Variants in RFX6 observed in about 807,000 individuals in gnomAD.
The protein encoded by RFX6 is regulatory factor X6.
RFX6 carries 50 observed loss-of-function variants against 110.8 expected under a neutral mutation model. The observed-to-expected ratio is 0.45, with a 90% CI of 0.36 to 0.57. The LOEUF (loss-of-function observed/expected upper bound fraction) is 0.57, where lower values mean the gene tolerates loss of function less well. Among genes scored for constraint, RFX6 ranks in the 20% least tolerant of loss-of-function variants. RFX6 has a pLI of 0.00. For synonymous variants in RFX6, 383 were observed against 411.2 expected (o/e 0.93, Z 0.83); for missense variants, 990 against 1,127.0 (o/e 0.88, Z 1.74).
At chr6:116,896,148 A>G (rs779796016) in intron 6 of RFX6, among the ~76,000 whole-genome samples, 1 of 152,172 alleles carries the variant, frequency 6.6e-6, no homozygotes, top group Non-Finnish European at 1.5e-5. Flanking sequence ...TCAATAGGGA[A>G]TTTACGTTAT....
intron 6 of RFX6, among the ~76,000 whole-genome samples, chr6:116,899,813 G>GA (rs1775027365): frequency 6.6e-6 from 1 of 151,986 alleles, no homozygotes; most frequent in Non-Finnish European, 1.5e-5. Flanking sequence ...ATAGGAAAAA[G>GA]AAAAACACAC....
chr6:116,891,073 G>C (rs1774820392), intron 4 of RFX6, among the ~76,000 whole-genome samples: 1 of 152,160 alleles, frequency 6.6e-6, no homozygotes, highest in African/African-American at 2.4e-5. Flanking sequence ...AAAACTGCAA[G>C]TAAAATGTAC....
At chr6:116,925,691 A>G (rs371433524) in intron 16 of RFX6, 32 bp downstream of exon 16, 81 of 1,481,490 alleles carry the variant, frequency 5.5e-5, no homozygotes, top group Non-Finnish European at 7.2e-5. Flanking sequence ...AGGCTCCAGC[A>G]CATCTCAGAG....
rs888442352 is a variant in RFX6, at chr6:116,931,745, A to C, written c.*239A>C. ...ATTAATCATAGTTTCAAAATTATCA[A>C]ATAAAACCAGTGAAGATCTGAAGAT... is the stretch of plus-strand genomic sequence containing the variant. On this transcript the variant is annotated 3_prime_UTR_variant, in exon 19 of 19. Transcript: ENST00000332958. 1 of 422,288 alleles carries C rather than the reference A, an allele frequency of 2.4e-6. No homozygotes were observed. Among genetic ancestry groups the C allele is most frequent in the Admixed American group, 4.0e-5 (1 of 24,980 alleles). The allele number at this position is 422,288 out of a possible 1,614,324, so 26.2% of individuals were successfully genotyped here. A position where few individuals can be genotyped will look rare whatever the true frequency, so the allele number is the denominator to read the frequency against.
chr6:116,903,875 A>G (rs2114681425), intron 6 of RFX6, among the ~76,000 whole-genome samples: 1 of 152,054 alleles, frequency 6.6e-6, no homozygotes, highest in South Asian at 2.1e-4. Context: ...TTTTGCCTGA[A>G]AAACAATATT....
chr6:116,882,469 A>G (rs767196302), intron 4 of RFX6, 41 bp downstream of exon 4: 26 of 1,374,688 alleles, frequency 1.9e-5, no homozygotes, highest in African/African-American at 8.6e-5. Flanking sequence ...GCTCTTGTGC[A>G]TGAAGATTGA....
At chr6:116,927,653 A>G in intron 17 of RFX6, 114 bp downstream of exon 17, 2 of 846,792 alleles carry the variant, frequency 2.4e-6, no homozygotes, top group Non-Finnish European at 3.8e-6. Context: ...GCTTCCAAAG[A>G]TCATGGAATC....
intron 4 of RFX6, among the ~76,000 whole-genome samples, chr6:116,885,775 C>T (rs566965480): frequency 2.0e-5 from 3 of 152,072 alleles, no homozygotes; most frequent in Admixed American, 2.0e-4. Context: ...TTAGATTCTT[C>T]TTCAGAGAAC....
chr6:116,916,003 A>G lies in RFX6; in HGVS notation c.781-5A>G, dbSNP rs1775455813. 1 of 1,600,114 alleles carries G rather than the reference A, an allele frequency of 6.2e-7. No homozygotes were observed. The highest frequency in any genetic ancestry group is 1.1e-5 in the South Asian group (1 of 90,724). On this transcript the variant is annotated splice_region_variant and splice_polypyrimidine_tract_variant and intron_variant, in intron 7 of 18. Transcript: ENST00000332958. ...TTTGGTTAAGCTTTTTCTTCCTTGA[A>G]ATAGGTTGATACGCTCATAATGATG...
rs80055192 is a variant in RFX6 at position 116,915,760 on chromosome 6, G to C, written c.781-248G>C. Among the ~76,000 whole-genome samples the C allele has an allele frequency of 3.9e-4, 59 of 151,860 alleles. No homozygotes were observed. In the East Asian group the frequency reaches 0.011, roughly 28 times the overall value. ...AGGCATAAAACTAGGATGTTACTTT[G>C]GTCCATAGTACTCTGAAAAATTACC... On this transcript the variant is annotated intron_variant, in intron 7 of 18. Transcript: ENST00000332958.
At chr6:116,930,911 C>T (rs1775869850) in intron 18 of RFX6, among the ~76,000 whole-genome samples, 1 of 152,012 alleles carries the variant, frequency 6.6e-6, no homozygotes, top group Non-Finnish European at 1.5e-5. Flanking sequence ...ATCTACTCTT[C>T]AGCAATATCA....
chr6:116,885,676 T>G (rs1774685505), intron 4 of RFX6, among the ~76,000 whole-genome samples: 1 of 152,126 alleles, frequency 6.6e-6, no homozygotes, highest in African/African-American at 2.4e-5. Context: ...CAACAAATAA[T>G]TATTCAATTG....
chr6:116,923,073 A>G (rs754457205), intron 13 of RFX6, 34 bp from the exon 14 acceptor site: 2 of 1,137,398 alleles, frequency 1.8e-6, no homozygotes, highest in African/African-American at 3.0e-5. Flanking sequence ...GAGAGGACGG[A>G]TTTTATAGTT....
At chr6:116,903,541 AC>A (rs1775123349) in intron 6 of RFX6, among the ~76,000 whole-genome samples, 1 of 151,954 alleles carries the variant, frequency 6.6e-6, no homozygotes, top group Non-Finnish European at 1.5e-5. Context: ...TCCTCTGTGC[AC>A]CCACTTCAAT....
At chr6:116,883,313 C>A (rs1774631647) in intron 4 of RFX6, among the ~76,000 whole-genome samples, 1 of 152,022 alleles carries the variant, frequency 6.6e-6, no homozygotes, top group Non-Finnish European at 1.5e-5. Flanking sequence ...CAGAAAACTA[C>A]CTCTATAGCT....
At chr6:116,928,146 G>C (rs566010624) in intron 17 of RFX6, among the ~76,000 whole-genome samples, 1 of 151,160 alleles carries the variant, frequency 6.6e-6, no homozygotes. Flanking sequence ...AAAGAAGAAT[G>C]TTCTGTCTTT....
At chr6:116,924,503 A>T (rs1196437254) in intron 14 of RFX6, among the ~76,000 whole-genome samples, 166 bp from the exon 15 acceptor site, 1 of 152,256 alleles carries the variant, frequency 6.6e-6, no homozygotes, top group African/African-American at 2.4e-5. Flanking sequence ...TGTTGGTCTT[A>T]GCAGGTCATT....
At chr6:116,893,641 T>C (rs560227898) in intron 4 of RFX6, among the ~76,000 whole-genome samples, 2 of 152,346 alleles carry the variant, frequency 1.3e-5, no homozygotes, top group East Asian at 3.9e-4. Flanking sequence ...TCATGTTGAA[T>C]CACCCAATTT....
intron 7 of RFX6, 122 bp downstream of exon 7, chr6:116,911,164 C>A: frequency 1.4e-6 from 1 of 730,816 alleles, no homozygotes; most frequent in South Asian, 1.6e-5. Flanking sequence ...ACATAATTGA[C>A]TGATTTATAG....
Sources: gnomAD v4.1 joint callset for allele counts (sites outside exome capture counted in the v4.1 genomes callset) on GRCh38, gnomAD v4.1.1 for gene constraint, MANE v1.5 for transcripts, NCBI Gene and HGNC (gene_info 2026-07-23, HGNC 2026-07-21) for gene names.